The following CELF4 variants were observed in gnomAD, a reference collection of about 807,000 sequenced individuals.
CELF4 encodes CUG-BP- and ETR-3-like factor 4.
A neutral mutation model predicts 59.9 loss-of-function variants in CELF4; 18 were observed. The observed-to-expected ratio is 0.30, with a 90% confidence interval of 0.21 to 0.45. The LOEUF is 0.45. CELF4 is among the 20% of genes least tolerant of loss of function. The pLI is 1.00. For synonymous variants in CELF4, 261 were observed against 267.1 expected (o/e 0.98, Z 0.22); for missense variants, 456 against 689.0 (o/e 0.66, Z 3.79).
At chr18:37,330,858 G>T (rs113765257) in intron 2 of CELF4, among the ~76,000 whole-genome samples, 4 of 152,098 alleles carry the variant, frequency 2.6e-5, no homozygotes, top group African/African-American at 9.7e-5. Context: ...GCAAAGTGGC[G>T]CGTTGCACCT....
At chr18:37,280,362 G>C (rs2093975312) in intron 3 of CELF4, among the ~76,000 whole-genome samples, 1 of 152,184 alleles carries the variant, frequency 6.6e-6, no homozygotes, top group Non-Finnish European at 1.5e-5. Flanking sequence ...CAGAGGATCT[G>C]AGATGAGTTT....
chr18:37,541,882 A>T (rs1893373), intron 1 of CELF4, among the ~76,000 whole-genome samples: 49,182 of 151,872 alleles, frequency 0.32, 9,756 homozygotes, highest in Non-Finnish European at 0.44. Flanking sequence ...GTCATGCCTC[A>T]TCCATATGTT....
At chr18:37,387,594 C>T (rs866199186) in intron 2 of CELF4, among the ~76,000 whole-genome samples, 1 of 152,280 alleles carries the variant, frequency 6.6e-6, no homozygotes, top group East Asian at 1.9e-4. Flanking sequence ...CCCAGAGTCT[C>T]GATGTAAAGT....
At chr18:37,430,502 G>A (rs1328589956) in intron 2 of CELF4, among the ~76,000 whole-genome samples, 3 of 152,202 alleles carry the variant, frequency 2.0e-5, no homozygotes, top group Non-Finnish European at 4.4e-5. Context: ...CAAGGATGGT[G>A]TGTAGCGCAG....
At chr18:37,302,492 G>A (rs1208715868) in intron 3 of CELF4, among the ~76,000 whole-genome samples, 2 of 152,156 alleles carry the variant, frequency 1.3e-5, no homozygotes, top group African/African-American at 2.4e-5. Context: ...GGCACAAGCT[G>A]CACAAAGGGA....
intron 2 of CELF4, among the ~76,000 whole-genome samples, chr18:37,325,888 C>T (rs1019038946): frequency 6.6e-6 from 1 of 152,170 alleles, no homozygotes; most frequent in African/African-American, 2.4e-5. Flanking sequence ...AGAGAGGTGC[C>T]GGGCTAGATG....
At chr18:37,431,322 T>A (rs2154600770) in intron 2 of CELF4, among the ~76,000 whole-genome samples, 1 of 152,100 alleles carries the variant, frequency 6.6e-6, no homozygotes, top group Non-Finnish European at 1.5e-5. Context: ...CTCATTTTTG[T>A]GTTCTTTTGC....
intron 11 of CELF4, among the ~76,000 whole-genome samples, chr18:37,255,019 A>T (rs949607032): frequency 6.6e-6 from 1 of 152,194 alleles, no homozygotes; most frequent in Non-Finnish European, 1.5e-5. Flanking sequence ...GTTGTAGTAA[A>T]TGAACCTTTA....
chr18:37,383,925 C>T (rs942520875), intron 2 of CELF4, among the ~76,000 whole-genome samples: 13 of 152,158 alleles, frequency 8.5e-5, no homozygotes, highest in Admixed American at 8.5e-4. Flanking sequence ...ACCATGTCTG[C>T]CCTGTGGGTT....
At chr18:37,439,672 C>T (rs1336000346) in intron 2 of CELF4, among the ~76,000 whole-genome samples, 1 of 152,138 alleles carries the variant, frequency 6.6e-6, no homozygotes, top group Non-Finnish European at 1.5e-5. Context: ...CCCCCACCAG[C>T]TCTCCTGTCC....
chr18:37,268,396 C>T (rs900907631), intron 8 of CELF4, among the ~76,000 whole-genome samples: 2 of 152,164 alleles, frequency 1.3e-5, no homozygotes, highest in South Asian at 2.1e-4. Context: ...GAACCACGTC[C>T]GGATTGTGCT....
chr18:37,550,570 T>C (rs1181513697), intron 1 of CELF4, among the ~76,000 whole-genome samples: 1 of 152,252 alleles, frequency 6.6e-6, no homozygotes, highest in Non-Finnish European at 1.5e-5. Context: ...TTACGGACCA[T>C]GTTTAATATT....
intron 1 of CELF4, among the ~76,000 whole-genome samples, chr18:37,537,847 A>T (rs1334390326): frequency 6.6e-6 from 1 of 152,224 alleles, no homozygotes; most frequent in African/African-American, 2.4e-5. Flanking sequence ...TCTCTCGTCC[A>T]ACCAGGCCTG....
intron 1 of CELF4, among the ~76,000 whole-genome samples, chr18:37,511,989 C>T (rs115286693): frequency 3.0e-4 from 45 of 151,944 alleles, no homozygotes; most frequent in Non-Finnish European, 5.6e-4. Context: ...TTCATCAGGC[C>T]CAGAATTTAA....
chr18:37,359,498 C>T (rs528915569), intron 2 of CELF4, among the ~76,000 whole-genome samples: 22 of 152,252 alleles, frequency 1.4e-4, no homozygotes, highest in Admixed American at 1.2e-3. Flanking sequence ...CCAGGCCTGG[C>T]TAATTTTTAA....
chr18:37,560,956 C>T (rs1450236904), intron 1 of CELF4, among the ~76,000 whole-genome samples: 2 of 152,244 alleles, frequency 1.3e-5, no homozygotes, highest in Non-Finnish European at 2.9e-5. Context: ...TATCCCCGTC[C>T]TTCCTCTTTC....
intron 1 of CELF4, among the ~76,000 whole-genome samples, chr18:37,506,930 C>T (rs1196305317): frequency 2.0e-5 from 3 of 152,166 alleles, no homozygotes; most frequent in Non-Finnish European, 4.4e-5. Flanking sequence ...CAGGCACCCT[C>T]GTTTCCTTGG....
chr18:37,473,716 G>GC (rs1453096439), intron 2 of CELF4: 10 of 152,312 alleles, frequency 6.6e-5, no homozygotes, highest in Admixed American at 6.5e-4. Flanking sequence ...GTGGGGGGTG[G>GC]CTGCTGCTCC....
intron 1 of CELF4, among the ~76,000 whole-genome samples, chr18:37,528,405 A>G (rs1046647184): frequency 2.6e-5 from 4 of 152,190 alleles, no homozygotes; most frequent in South Asian, 4.2e-4. Flanking sequence ...AAAAGAAGAC[A>G]CAAAACCAGG....
Sources: allele counts gnomAD v4.1 joint callset (sites outside exome capture counted in the v4.1 genomes callset), GRCh38; gene constraint gnomAD v4.1.1; transcripts MANE v1.5; gene names NCBI Gene and HGNC (gene_info 2026-07-23, HGNC 2026-07-21).